Variants in CNTNAP2 observed in about 807,000 individuals in gnomAD.
CNTNAP2 encodes contactin associated protein 2.
A neutral mutation model predicts 155.2 loss-of-function variants in CNTNAP2; 98 were observed. That is an observed-to-expected ratio of 0.63 (90% CI 0.54 to 0.75). CNTNAP2 has a LOEUF of 0.75. Ranked by LOEUF, CNTNAP2 falls within the 30% of genes least tolerant of loss-of-function variation. CNTNAP2 has a pLI of 0.00. For synonymous variants in CNTNAP2, 651 were observed against 631.2 expected (o/e 1.03, Z -0.47); for missense variants, 1,727 against 1,688.1 (o/e 1.02, Z -0.40).
At chr7:146,855,509 G>C (rs954468253) in intron 3 of CNTNAP2, among the ~76,000 whole-genome samples, 1 of 151,902 alleles carries the variant, frequency 6.6e-6, no homozygotes, top group Non-Finnish European at 1.5e-5. Context: ...GAAGAAAACC[G>C]ATAAAATATA....
At chr7:147,510,974 T>C (rs1799009043) in intron 11 of CNTNAP2, among the ~76,000 whole-genome samples, 1 of 150,848 alleles carries the variant, frequency 6.6e-6, no homozygotes, top group Non-Finnish European at 1.5e-5. Context: ...TTGCTTTGTT[T>C]CCTCTAAATC....
intron 13 of CNTNAP2, among the ~76,000 whole-genome samples, chr7:147,899,638 A>G (rs1799830413): frequency 6.6e-6 from 1 of 152,102 alleles, no homozygotes; most frequent in South Asian, 2.1e-4. Flanking sequence ...TAATCTTCGC[A>G]CTTTGAGAGG....
chr7:146,678,250 G>A (rs945164851), intron 1 of CNTNAP2, among the ~76,000 whole-genome samples: 2 of 151,690 alleles, frequency 1.3e-5, no homozygotes, highest in South Asian at 4.2e-4. Flanking sequence ...TGTATTTTTA[G>A]TAAATATGGG....
At chr7:146,975,135 A>G (rs1262359822) in intron 3 of CNTNAP2, among the ~76,000 whole-genome samples, 2 of 152,156 alleles carry the variant, frequency 1.3e-5, no homozygotes, top group Non-Finnish European at 2.9e-5. Flanking sequence ...TGGACTCTGA[A>G]GGGAGCACAA....
At chr7:146,602,785 A>G (rs1451278542) in intron 1 of CNTNAP2, among the ~76,000 whole-genome samples, 1 of 152,190 alleles carries the variant, frequency 6.6e-6, no homozygotes, top group Non-Finnish European at 1.5e-5. Flanking sequence ...TGTGTTCCAA[A>G]TTAAGACAGA....
At chr7:147,324,376 G>A (rs778941828) in intron 9 of CNTNAP2, among the ~76,000 whole-genome samples, 4 of 152,158 alleles carry the variant, frequency 2.6e-5, no homozygotes, top group Non-Finnish European at 5.9e-5. Context: ...CAGTGTGCAT[G>A]ATTTAAGCAT....
chr7:146,749,424 A>C (rs1334179643), intron 1 of CNTNAP2, among the ~76,000 whole-genome samples: 1 of 152,182 alleles, frequency 6.6e-6, no homozygotes, highest in Non-Finnish European at 1.5e-5. Flanking sequence ...CTAAGCCTTT[A>C]TTCTTAACTA....
chr7:146,534,287 AT>A (rs1797813945), intron 1 of CNTNAP2, among the ~76,000 whole-genome samples: 1 of 152,076 alleles, frequency 6.6e-6, no homozygotes, highest in Admixed American at 6.6e-5. Flanking sequence ...TCTTTATAAT[AT>A]TTTGAAAGGA....
At chr7:146,712,267 C>G (rs1454244337) in intron 1 of CNTNAP2, among the ~76,000 whole-genome samples, 7 of 132,860 alleles carry the variant, frequency 5.3e-5, no homozygotes, top group Admixed American at 3.7e-4. Flanking sequence ...GTATACATAT[C>G]TTATGTATAC....
At chr7:146,781,968 T>C (rs917313007) in intron 2 of CNTNAP2, among the ~76,000 whole-genome samples, 4 of 152,162 alleles carry the variant, frequency 2.6e-5, no homozygotes, top group African/African-American at 9.7e-5. Context: ...ACTCCTTTGT[T>C]ACACATGGCC....
At chr7:147,189,057 T>C (rs2116518211) in intron 8 of CNTNAP2, among the ~76,000 whole-genome samples, 1 of 152,298 alleles carries the variant, frequency 6.6e-6, no homozygotes, top group African/African-American at 2.4e-5. Context: ...AACAGAACAC[T>C]TGACAACTTG....
intron 12 of CNTNAP2, among the ~76,000 whole-genome samples, chr7:147,600,881 A>G (rs1800930315): frequency 6.6e-6 from 1 of 152,102 alleles, no homozygotes; most frequent in South Asian, 2.1e-4. Context: ...TAAAAATTTG[A>G]TGAGTGTGAT....
At chr7:147,593,025 A>T (rs1373379792) in intron 12 of CNTNAP2, among the ~76,000 whole-genome samples, 2 of 152,214 alleles carry the variant, frequency 1.3e-5, no homozygotes, top group Middle Eastern at 6.3e-3. Flanking sequence ...TTTCCATTAA[A>T]ATTACATCAC....
At chr7:146,496,518 C>G (rs191002585) in intron 1 of CNTNAP2, among the ~76,000 whole-genome samples, 1 of 152,198 alleles carries the variant, frequency 6.6e-6, no homozygotes, top group African/African-American at 2.4e-5. Flanking sequence ...TAAAATAGCA[C>G]AAATTAATTC....
intron 3 of CNTNAP2, among the ~76,000 whole-genome samples, chr7:146,956,309 T>C (rs1797434655): frequency 6.6e-6 from 1 of 152,136 alleles, no homozygotes; most frequent in South Asian, 2.1e-4. Flanking sequence ...TGCGTAAGTA[T>C]CTACAAGGCC....
intron 12 of CNTNAP2, among the ~76,000 whole-genome samples, chr7:147,607,656 G>A (rs901894346): frequency 7.2e-5 from 11 of 152,224 alleles, no homozygotes; most frequent in Admixed American, 4.6e-4. Context: ...GAAAGGCAGC[G>A]CCATCTTAGG....
rs2129199316 is a variant in CNTNAP2 at position 146,834,350 on chromosome 7, G to T, written c.209-5361G>T. On this transcript the variant is annotated intron_variant, in intron 2 of 23. Transcript: ENST00000361727. ...TCTATTGTAATGGATCACTCTAGGAGCCCACATAGAATGGACACGTAGAAT... is the reference window on the plus strand; with the variant it reads ...TCTATTGTAATGGATCACTCTAGGATCCCACATAGAATGGACACGTAGAAT... Among the ~76,000 whole-genome samples the T allele has an allele frequency of 2.0e-5, 3 of 152,262 alleles. No homozygotes were observed. In the Middle Eastern group the frequency reaches 0.01, roughly 518 times the overall value.
At chr7:147,748,158 T>G (rs1437530546) in intron 13 of CNTNAP2, among the ~76,000 whole-genome samples, 1 of 152,204 alleles carries the variant, frequency 6.6e-6, no homozygotes, top group East Asian at 1.9e-4. Context: ...CAAATGACCT[T>G]GACAACAAGC....
chr7:146,660,918 G>T (rs147462884), intron 1 of CNTNAP2, among the ~76,000 whole-genome samples: 1,712 of 152,288 alleles, frequency 0.011, 36 homozygotes, highest in South Asian at 0.014. Context: ...AGCAAGAAGT[G>T]AGGCGGGGAA....
Sources: gnomAD v4.1 joint callset for allele counts (sites outside exome capture counted in the v4.1 genomes callset) on GRCh38, gnomAD v4.1.1 for gene constraint, MANE v1.5 for transcripts, NCBI Gene and HGNC (gene_info 2026-07-23, HGNC 2026-07-21) for gene names.